QTGAL: variants seen among roughly 807,000 people sequenced by gnomAD.
The protein encoded by QTGAL is BGnT-like protein 1.
the QTGAL span, among the ~76,000 whole-genome samples, chr17:82,997,947 ATC>A: frequency 6.8e-5 from 10 of 147,342 alleles, no homozygotes; most frequent in Non-Finnish European, 9.0e-5. Flanking sequence ...ATATATATAT[ATC>A]TATATCTATC....
chr17:82,978,667 T>C, the QTGAL span: 1 of 152,216 alleles, frequency 6.6e-6, no homozygotes, highest in Non-Finnish European at 1.5e-5. This position sits in a 1 kb window ranked among gnomAD's most constrained non-coding sequence, Gnocchi z 4.8. Flanking sequence ...TTTTCTTAGT[T>C]AATTTACTTC....
At chr17:82,956,638 C>A in the QTGAL span, 1 of 1,480,294 alleles carries the variant, frequency 6.8e-7, no homozygotes, top group Non-Finnish European at 9.1e-7. This position sits in a 1 kb window ranked among gnomAD's most constrained non-coding sequence, Gnocchi z 5.7. Flanking sequence ...GCGGGTTGTC[C>A]AGGTGGCAGA....
At chr17:82,953,206 T>C in the QTGAL span, among the ~76,000 whole-genome samples, 19 of 151,370 alleles carry the variant, frequency 1.3e-4, no homozygotes, top group East Asian at 1.4e-3. Context: ...CTGAAGGAGA[T>C]AGAGACACAA....
chr17:82,982,725 G>A, the QTGAL span, among the ~76,000 whole-genome samples: 40,655 of 152,050 alleles, frequency 0.27, 5,615 homozygotes, highest in East Asian at 0.37. Flanking sequence ...GACAGGTCAG[G>A]AGAAAATGTG....
At chr17:82,994,449 A>C in the QTGAL span, among the ~76,000 whole-genome samples, 2 of 148,354 alleles carry the variant, frequency 1.3e-5, no homozygotes, top group Non-Finnish European at 2.9e-5. Flanking sequence ...AAAATCTAGG[A>C]AAAAAAATCA....
chr17:82,942,551 G>A, the QTGAL span: 1 of 1,585,234 alleles, frequency 6.3e-7, no homozygotes, highest in Non-Finnish European at 8.7e-7. Context: ...TCGCACAGTG[G>A]TGCCTCCAGC....
the QTGAL span, among the ~76,000 whole-genome samples, chr17:82,993,417 G>C: frequency 1.3e-5 from 2 of 151,994 alleles, no homozygotes; most frequent in African/African-American, 4.8e-5. Context: ...CAACTCAAGA[G>C]AATATAACAG....
the QTGAL span, among the ~76,000 whole-genome samples, chr17:83,045,164 A>G: frequency 6.6e-6 from 1 of 152,224 alleles, no homozygotes; most frequent in African/African-American, 2.4e-5. Context: ...AAAGAAAATT[A>G]AGAAAACAAT....
the QTGAL span, chr17:83,035,181 T>A: frequency 5.8e-6 from 7 of 1,214,684 alleles, no homozygotes; most frequent in South Asian, 9.5e-5. Context: ...TATATGATAT[T>A]CTTTTTTTTT....
chr17:83,026,548 C>T, the QTGAL span, among the ~76,000 whole-genome samples: 35 of 144,080 alleles, frequency 2.4e-4, no homozygotes, highest in African/African-American at 8.8e-4. Context: ...AGCCCACAGA[C>T]AAACCCACCC....
At chr17:82,960,801 C>T in the QTGAL span, among the ~76,000 whole-genome samples, 1 of 152,254 alleles carries the variant, frequency 6.6e-6, no homozygotes, top group South Asian at 2.1e-4. Flanking sequence ...GTCATTTTAC[C>T]TCTGGGAACT....
chr17:82,977,677 TA>T, the QTGAL span, among the ~76,000 whole-genome samples: 1 of 151,774 alleles, frequency 6.6e-6, no homozygotes, highest in South Asian at 2.1e-4. Context: ...CTCAGACAAC[TA>T]GAAAATCACA....
chr17:83,025,052 A>G, the QTGAL span, among the ~76,000 whole-genome samples: 6 of 152,190 alleles, frequency 3.9e-5, no homozygotes, highest in East Asian at 5.8e-4. Flanking sequence ...CAAATCACAG[A>G]CAGTGTGAAC....
At chr17:82,951,275 G>C in the QTGAL span, among the ~76,000 whole-genome samples, 1 of 152,150 alleles carries the variant, frequency 6.6e-6, no homozygotes, top group African/African-American at 2.4e-5. Flanking sequence ...CATTGTGACC[G>C]TAGCATGATC....
the QTGAL span, among the ~76,000 whole-genome samples, chr17:83,012,843 C>CT: frequency 6.6e-6 from 1 of 152,086 alleles, no homozygotes; most frequent in African/African-American, 2.4e-5. Flanking sequence ...TGATCACTCT[C>CT]TGTTTCCACA....
the QTGAL span, chr17:82,961,248 C>T: frequency 1.2e-5 from 18 of 1,553,012 alleles, no homozygotes; most frequent in Non-Finnish European, 1.3e-5. Context: ...CGGATGCACA[C>T]TACACCTGCG....
At chr17:82,965,776 C>T in the QTGAL span, 325 of 1,574,528 alleles carry the variant, frequency 2.1e-4, no homozygotes, top group African/African-American at 2.7e-3. Flanking sequence ...ACAGAGTTAG[C>T]GGAAAAGAAC....
At chr17:82,944,930 A>G in the QTGAL span, 1 of 152,224 alleles carries the variant, frequency 6.6e-6, no homozygotes, top group Admixed American at 6.5e-5. Flanking sequence ...TCTTATCTCA[A>G]TCTATCTCCC....
the QTGAL span, among the ~76,000 whole-genome samples, chr17:82,962,784 GA>G: frequency 6.6e-6 from 1 of 152,218 alleles, no homozygotes; most frequent in Non-Finnish European, 1.5e-5. Context: ...CCTATCACCA[GA>G]AGAGCCCGAC....
Sources: gnomAD v4.1 joint callset for allele counts (sites outside exome capture counted in the v4.1 genomes callset) on GRCh38, gnomAD v4.1.1 for gene constraint, Gnocchi (gnomAD v3.1) non-coding constraint, MANE v1.5 for transcripts, NCBI Gene and HGNC (gene_info 2026-07-23, HGNC 2026-07-21) for gene names.